FBXW7: variants seen among roughly 807,000 people sequenced by gnomAD.
FBXW7 encodes F-box/WD repeat-containing protein 7.
Under a neutral mutation model 86.3 loss-of-function variants are expected in FBXW7, and 11 were observed. The observed-to-expected ratio is 0.13, with a 90% CI of 0.08 to 0.21. The LOEUF (loss-of-function observed/expected upper bound fraction) is 0.21. Ranked by LOEUF, FBXW7 falls within the 10% of genes least tolerant of loss-of-function variation. FBXW7 has a pLI of 1.00. For missense variants in FBXW7, 488 were observed against 847.4 expected, an observed-to-expected ratio of 0.58 and a Z score of 5.27; for synonymous variants, 313 against 297.9, an observed-to-expected ratio of 1.05 and a Z score of -0.52.
chr4:152,495,344 G>A (rs1031325809), intron 2 of FBXW7, among the ~76,000 whole-genome samples: 3 of 152,078 alleles, frequency 2.0e-5, no homozygotes, highest in Non-Finnish European at 4.4e-5. Flanking sequence ...AGGAGGCTGA[G>A]GCAGAAGAAT....
At chr4:152,382,079 A>G in intron 4 of FBXW7, 1 of 643,920 alleles carries the variant, frequency 1.6e-6, no homozygotes. Context: ...CAATGCATTG[A>G]TAGTTTTAAT....
At chr4:152,463,443 T>C (rs1743140194) in intron 2 of FBXW7, among the ~76,000 whole-genome samples, 1 of 152,168 alleles carries the variant, frequency 6.6e-6, no homozygotes, top group Admixed American at 6.5e-5. Flanking sequence ...AATGTCATCT[T>C]CCTCATTAGT....
intron 2 of FBXW7, among the ~76,000 whole-genome samples, chr4:152,450,852 T>C (rs1034827726): frequency 2.6e-5 from 4 of 152,200 alleles, no homozygotes; most frequent in African/African-American, 7.2e-5. Context: ...AAGAAAACTA[T>C]GAAATAAAAG....
chr4:152,466,489 A>G (rs572198147), intron 2 of FBXW7, among the ~76,000 whole-genome samples: 7 of 151,686 alleles, frequency 4.6e-5, no homozygotes, highest in Admixed American at 2.0e-4. Context: ...CGGGAGGCAG[A>G]GGTTGCAGTG....
At chr4:152,493,782 T>C (rs542329504) in intron 2 of FBXW7, among the ~76,000 whole-genome samples, 1 of 152,294 alleles carries the variant, frequency 6.6e-6, no homozygotes, top group East Asian at 1.9e-4. Context: ...AGCCTCCACA[T>C]AGTGAGAAAA....
intron 4 of FBXW7, among the ~76,000 whole-genome samples, chr4:152,373,431 C>T (rs1204496259): frequency 6.6e-6 from 1 of 151,948 alleles, no homozygotes; most frequent in Admixed American, 6.6e-5. Flanking sequence ...GAGGGCATGG[C>T]CTTTGTCTAT....
chr4:152,507,320 T>C (rs1560980669), intron 2 of FBXW7, among the ~76,000 whole-genome samples: 1 of 152,194 alleles, frequency 6.6e-6, no homozygotes, highest in Non-Finnish European at 1.5e-5. Context: ...AACATTCCTA[T>C]ATCATATAAT....
chr4:152,332,097 A>G (rs536849604), intron 8 of FBXW7, among the ~76,000 whole-genome samples: 93 of 151,964 alleles, frequency 6.1e-4, no homozygotes, highest in Non-Finnish European at 8.5e-4. Context: ...CTGCTGGGAA[A>G]AAAAACAAAA....
intron 4 of FBXW7, among the ~76,000 whole-genome samples, chr4:152,372,422 T>C (rs1200116919): frequency 1.3e-5 from 2 of 152,002 alleles, no homozygotes; most frequent in Non-Finnish European, 2.9e-5. Flanking sequence ...AGAGTGCATA[T>C]ACTATTTATT....
At chr4:152,474,033 G>C (rs1744186770) in intron 2 of FBXW7, among the ~76,000 whole-genome samples, 2 of 152,146 alleles carry the variant, frequency 1.3e-5, no homozygotes, top group Non-Finnish European at 2.9e-5. Context: ...TAGGAATATA[G>C]TTTAGGGTCC....
intron 4 of FBXW7, among the ~76,000 whole-genome samples, chr4:152,394,424 T>C (rs538930956): frequency 2.2e-4 from 33 of 152,098 alleles, no homozygotes; most frequent in Non-Finnish European, 4.4e-4. Context: ...CCTTCTAAGT[T>C]CAGCATTAAC....
At chr4:152,459,864 A>C (rs1742781187) in intron 2 of FBXW7, among the ~76,000 whole-genome samples, 1 of 152,224 alleles carries the variant, frequency 6.6e-6, no homozygotes, top group Non-Finnish European at 1.5e-5. Flanking sequence ...ACCATGGATG[A>C]CCACAGATAA....
chr4:152,348,092 G>GT (rs1407183362), intron 5 of FBXW7, among the ~76,000 whole-genome samples: 4 of 151,934 alleles, frequency 2.6e-5, no homozygotes, highest in Non-Finnish European at 5.9e-5. Context: ...AAATTGCATC[G>GT]TAATAGTTAA....
intron 2 of FBXW7, among the ~76,000 whole-genome samples, chr4:152,447,157 C>G (rs1037075741): frequency 6.6e-6 from 1 of 152,208 alleles, no homozygotes; most frequent in African/African-American, 2.4e-5. Context: ...AAGGAAAGTT[C>G]TCTTAACATG....
intron 5 of FBXW7, among the ~76,000 whole-genome samples, chr4:152,349,500 A>G (rs1344875771): frequency 6.6e-6 from 1 of 151,966 alleles, no homozygotes; most frequent in Non-Finnish European, 1.5e-5. Context: ...TGAAGTAGAA[A>G]AAGATTACAA....
chr4:152,361,522 ATGTGCAG>A (rs1368545165), intron 4 of FBXW7, among the ~76,000 whole-genome samples: 1 of 152,190 alleles, frequency 6.6e-6, no homozygotes, highest in African/African-American at 2.4e-5. Flanking sequence ...TTTGTCTTTT[ATGTGCAG>A]TGAACTGTAA....
At chr4:152,351,013 G>T (rs1183368066) in intron 4 of FBXW7, among the ~76,000 whole-genome samples, 2 of 151,956 alleles carry the variant, frequency 1.3e-5, no homozygotes, top group Middle Eastern at 3.4e-3. Context: ...ATAAAATCTG[G>T]TAAGATTTGA....
chr4:152,343,549 T>C (rs1730949267), intron 6 of FBXW7, among the ~76,000 whole-genome samples: 1 of 152,228 alleles, frequency 6.6e-6, no homozygotes, highest in South Asian at 2.1e-4. Flanking sequence ...AGAGACAATG[T>C]CAAAATTTGA....
intron 7 of FBXW7, 145 bp downstream of exon 7, chr4:152,337,657 A>G (rs753741606): frequency 9.3e-6 from 7 of 756,052 alleles, no homozygotes; most frequent in Non-Finnish European, 1.4e-5. Context: ...CAATTTATCA[A>G]TTTACAGCCC....
Sources: gnomAD v4.1 joint callset for allele counts (sites outside exome capture counted in the v4.1 genomes callset) on GRCh38, gnomAD v4.1.1 for gene constraint, MANE v1.5 for transcripts, NCBI Gene and HGNC (gene_info 2026-07-23, HGNC 2026-07-21) for gene names.